PTK2: variants seen among roughly 807,000 people sequenced by gnomAD.
The protein encoded by PTK2 is protein tyrosine kinase 2.
In PTK2, 45 loss-of-function variants were observed where a neutral mutation model predicts 150.1. The ratio of observed to expected loss-of-function variants is 0.30; its 90% CI spans 0.24 to 0.38. The LOEUF (loss-of-function observed/expected upper bound fraction) is 0.38. Ranked by LOEUF, PTK2 falls within the 10% of genes least tolerant of loss-of-function variation. PTK2 has a pLI of 1.00. For missense variants in PTK2, 919 were observed against 1,307.3 expected (o/e 0.70, Z 4.58); for synonymous variants, 432 against 449.2 (o/e 0.96, Z 0.48).
chr8:140,931,504 T>C (rs2100171747), intron 1 of PTK2, among the ~76,000 whole-genome samples: 1 of 151,822 alleles, frequency 6.6e-6, no homozygotes, highest in Non-Finnish European at 1.5e-5. Flanking sequence ...AGGCTGAGGC[T>C]GCAATGAGCC....
At chr8:140,798,094 A>G (rs948378881) in intron 12 of PTK2, among the ~76,000 whole-genome samples, 1 of 152,220 alleles carries the variant, frequency 6.6e-6, no homozygotes, top group Non-Finnish European at 1.5e-5. Context: ...ACATGTATAC[A>G]TGTATAAGTA....
chr8:140,838,035 C>T (rs1263216801), intron 7 of PTK2, among the ~76,000 whole-genome samples: 2 of 151,916 alleles, frequency 1.3e-5, no homozygotes, highest in East Asian at 3.9e-4. Flanking sequence ...GCACTCCAGC[C>T]TGGGCAACAG....
chr8:140,920,849 CT>C lies in PTK2; in HGVS notation c.-33+4811del, dbSNP rs1361767629. On this transcript the variant is annotated intron_variant, in intron 2 of 31. Transcript: ENST00000522684. ...ACACACTGGAAATGGACTACATCCG[CT>C]TTTCTCCATATAGATGGCACCTGCT... 2.6e-6 allele frequency: 4 copies of C among 1,528,124 alleles called. No individual in the cohort carries two copies. The South Asian group carries it at 4.8e-5, about 18-fold the overall frequency. 94.7% of individuals were successfully genotyped at this position (1,528,124 alleles called of 1,614,324 possible).
chr8:140,865,419 C>A (rs778766674), intron 4 of PTK2, among the ~76,000 whole-genome samples: 91 of 152,308 alleles, frequency 6.0e-4, no homozygotes, highest in Admixed American at 2.7e-3. Context: ...TTCTCCTTCA[C>A]CACCTATTGA....
At chr8:140,748,416 C>T (rs1180414438) in intron 17 of PTK2, among the ~76,000 whole-genome samples, 2 of 149,752 alleles carry the variant, frequency 1.3e-5, no homozygotes, top group Non-Finnish European at 2.9e-5. Context: ...TCACTTGAGC[C>T]TGGGAGGCAG....
At chr8:140,792,644 A>C (rs2154581176) in intron 13 of PTK2, among the ~76,000 whole-genome samples, 1 of 152,364 alleles carries the variant, frequency 6.6e-6, no homozygotes, top group East Asian at 1.9e-4. Flanking sequence ...ATCCATTTAG[A>C]ACATGGAACT....
intron 12 of PTK2, among the ~76,000 whole-genome samples, chr8:140,799,737 C>T (rs1332333410): frequency 2.6e-5 from 4 of 152,110 alleles, no homozygotes; most frequent in Non-Finnish European, 2.9e-5. Flanking sequence ...TACTGTTCTT[C>T]GTGTTTGACC....
chr8:140,840,269 G>A (rs149886446), intron 7 of PTK2, among the ~76,000 whole-genome samples: 4 of 152,242 alleles, frequency 2.6e-5, no homozygotes, highest in East Asian at 1.9e-4. Context: ...TATGCTATCC[G>A]TGCTGGTCAA....
intron 1 of PTK2, among the ~76,000 whole-genome samples, chr8:140,959,558 A>G (rs1262403999): frequency 3.5e-5 from 5 of 143,762 alleles, no homozygotes; most frequent in African/African-American, 5.0e-5. Flanking sequence ...AAAAAAAAAA[A>G]GTAGTGTAAG....
chr8:140,961,255 T>C (rs770210469), intron 1 of PTK2, among the ~76,000 whole-genome samples: 47 of 152,350 alleles, frequency 3.1e-4, no homozygotes, highest in Non-Finnish European at 4.0e-4. Context: ...GCCACACAAT[T>C]TGTTATTACA....
At chr8:140,703,412 A>G (rs962109806) in intron 24 of PTK2, among the ~76,000 whole-genome samples, 7 of 151,990 alleles carry the variant, frequency 4.6e-5, no homozygotes, top group Non-Finnish European at 2.9e-5. Flanking sequence ...TTATGGCTGC[A>G]TTAGAGAGCT....
chr8:140,834,250 T>C (rs945272172), intron 7 of PTK2, among the ~76,000 whole-genome samples: 1 of 152,136 alleles, frequency 6.6e-6, no homozygotes, highest in African/African-American at 2.4e-5. Flanking sequence ...GTGAAATGCA[T>C]GAGCACTGGG....
chr8:140,735,171 C>A, intron 22 of PTK2, 80 bp downstream of exon 25: 1 of 1,363,938 alleles, frequency 7.3e-7, no homozygotes, highest in Admixed American at 1.9e-5. Context: ...ATATAATGAC[C>A]TTAAAATGCT....
intron 4 of PTK2, among the ~76,000 whole-genome samples, chr8:140,865,175 A>G (rs766844587): frequency 6.6e-6 from 1 of 152,222 alleles, no homozygotes; most frequent in Non-Finnish European, 1.5e-5. Context: ...GAAAGTGAAT[A>G]CTTTCACATG....
At chr8:140,799,136 A>G (rs1340098110) in intron 12 of PTK2, 2 of 152,252 alleles carry the variant, frequency 1.3e-5, no homozygotes, top group African/African-American at 4.8e-5. Context: ...TTCAGGGCAC[A>G]GCACCATCAG....
chr8:140,661,832 A>G (rs924946260), intron 31 of PTK2, among the ~76,000 whole-genome samples: 2 of 152,190 alleles, frequency 1.3e-5, no homozygotes, highest in African/African-American at 4.8e-5. Context: ...AGAGAGTTCC[A>G]AACAGCTGGA....
At chr8:140,671,934 G>C in intron 29 of PTK2, among the ~76,000 whole-genome samples, 1 of 116,420 alleles carries the variant, frequency 8.6e-6, no homozygotes, top group East Asian at 3.2e-4. Flanking sequence ...TCTGTCTCAG[G>C]GGGGCGGGGG....
At chr8:140,694,042 C>CT (rs797013196) in intron 26 of PTK2, among the ~76,000 whole-genome samples, 9,716 of 136,900 alleles carry the variant, frequency 0.071, 463 homozygotes, top group Middle Eastern at 0.11. Flanking sequence ...CTTTTCTTTT[C>CT]TTTTTTTTTT....
intron 2 of PTK2, among the ~76,000 whole-genome samples, chr8:140,907,443 A>T (rs2100161408): frequency 6.6e-6 from 1 of 152,148 alleles, no homozygotes; most frequent in African/African-American, 2.4e-5. Context: ...AGCATATCGA[A>T]TTTCAGATTT....
Sources: gnomAD v4.1 joint callset for allele counts (sites outside exome capture counted in the v4.1 genomes callset) on GRCh38, gnomAD v4.1.1 for gene constraint, MANE v1.5 for transcripts, NCBI Gene and HGNC (gene_info 2026-07-23, HGNC 2026-07-21) for gene names.